The following CHODL variants were observed in gnomAD, a reference collection of about 807,000 sequenced individuals.
CHODL encodes transmembrane protein MT75.
CHODL carries 29 observed loss-of-function variants against 34.5 expected under a neutral mutation model. The observed-to-expected ratio is 0.84, with a 90% CI of 0.63 to 1.15. CHODL has a LOEUF of 1.15. CHODL is among the 50% of genes most tolerant of loss of function. The probability of loss-of-function intolerance (pLI) is 0.00; values close to 1 mark genes in which losing one functional copy is unlikely to be tolerated. For missense variants in CHODL, 332 were observed against 332.5 expected (o/e 1.00, Z 0.01); for synonymous variants, 125 against 116.1 (o/e 1.08, Z -0.49).
At chr21:18,171,950 C>G (rs2073237976) in intron 2 of CHODL, among the ~76,000 whole-genome samples, 1 of 152,142 alleles carries the variant, frequency 6.6e-6, no homozygotes, top group South Asian at 2.1e-4. Context: ...CTTCAATGCT[C>G]CAGCAATTTA....
At chr21:18,127,026 A>G (rs2065554432) in intron 2 of CHODL, among the ~76,000 whole-genome samples, 1 of 152,228 alleles carries the variant, frequency 6.6e-6, no homozygotes. Context: ...TAAACATGTT[A>G]TCCTTCGCGT....
intron 1 of CHODL, among the ~76,000 whole-genome samples, chr21:17,925,781 G>A (rs1016315743): frequency 6.6e-6 from 1 of 152,148 alleles, no homozygotes; most frequent in Non-Finnish European, 1.5e-5. Context: ...CACTTTCTGA[G>A]TTCCTTTGAG....
At position 17,956,402 on chromosome 21, in the gene CHODL, C is replaced by G. The variant is rs557069486; in HGVS notation, c.-145+39002C>G. ...TAGCACTATGCTTCCTGCACAGCCT[C>G]CAGAACTGTGAGCTAATTAAACCTC... On this transcript the variant is annotated intron_variant, in intron 1 of 6. Coordinates refer to the CHODL transcript ENST00000400127. 2.3e-4 allele frequency among the ~76,000 whole-genome samples: 31 copies of G among 136,634 alleles called. 4 individuals are homozygous for G. Among genetic ancestry groups the G allele is most frequent in the Admixed American group, 1.3e-3 (18 of 13,880 alleles). 89.6% of individuals were successfully genotyped at this position (136,634 alleles called of 152,430 possible). A position where few individuals can be genotyped will look rare whatever the true frequency, so the allele number is the denominator to read the frequency against.
chr21:18,029,420 C>T (rs993414194), intron 2 of CHODL, among the ~76,000 whole-genome samples: 1 of 152,000 alleles, frequency 6.6e-6, no homozygotes, highest in Non-Finnish European at 1.5e-5. Flanking sequence ...TTTTTAGAAA[C>T]AGAAGAATGA....
At chr21:17,940,218 C>T (rs907829510) in intron 1 of CHODL, among the ~76,000 whole-genome samples, 1 of 152,140 alleles carries the variant, frequency 6.6e-6, no homozygotes, top group African/African-American at 2.4e-5. Flanking sequence ...CAGCTCATAT[C>T]TATATTCACC....
At chr21:18,028,268 TTCCTTTTCC>T (rs1354305028) in intron 2 of CHODL, among the ~76,000 whole-genome samples, 1,304 of 80,556 alleles carry the variant, frequency 0.016, 36 homozygotes, top group Non-Finnish European at 0.022. Flanking sequence ...CTTTTTCTTT[TTCCTTTTCC>T]CCTTCCTTCC....
rs180707780 is a variant in CHODL, at chr21:17,976,814, A to C, written c.-144-51058A>C. On this transcript the variant is annotated intron_variant, in intron 1 of 6. Transcript: ENST00000400127. ...TCAGGCTGCAAGTAGGTCAGTATCA[A>C]CCTGAAATAACAAGACACCCTCTTC... Among the ~76,000 whole-genome samples, 6 of 152,320 alleles carry C rather than the reference A, an allele frequency of 3.9e-5. No individual in the cohort carries two copies. In the East Asian group the frequency reaches 1.2e-3, roughly 29 times the overall value.
At chr21:18,177,718 T>G (rs2073333419) in intron 2 of CHODL, among the ~76,000 whole-genome samples, 1 of 152,164 alleles carries the variant, frequency 6.6e-6, no homozygotes, top group African/African-American at 2.4e-5. Flanking sequence ...TTTTGTTCAC[T>G]TTAAGATTTA....
Position 18,230,614 on chromosome 21 carries a change from C to T in CHODL, c.-44-25895C>T, listed in dbSNP as rs182846049. Among the ~76,000 whole-genome samples, 9 of 152,014 alleles carry T rather than the reference C, an allele frequency of 5.9e-5. No homozygotes were observed. In the East Asian group the frequency reaches 1.4e-3, roughly 23 times the overall value. ...TATTAGAAACAAAGTGAAGGAAATA[C>T]GAATGCAAAGAAGAACTTAACAGAA... On this transcript the variant is annotated intron_variant, in intron 2 of 6. Transcript: ENST00000400127.
At chr21:18,002,486 A>T (rs1359256755) in intron 1 of CHODL, among the ~76,000 whole-genome samples, 2 of 152,164 alleles carry the variant, frequency 1.3e-5, no homozygotes, top group African/African-American at 4.8e-5. Flanking sequence ...TTTTTGTCAC[A>T]TGCTGGCTTT....
At chr21:18,116,222 C>T (rs1192103327) in intron 2 of CHODL, among the ~76,000 whole-genome samples, 1 of 152,226 alleles carries the variant, frequency 6.6e-6, no homozygotes, top group Non-Finnish European at 1.5e-5. Context: ...AAAGTTTTCT[C>T]CTGAGATCTG....
intron 1 of CHODL, among the ~76,000 whole-genome samples, chr21:17,974,788 T>G (rs979516121): frequency 6.6e-6 from 1 of 151,604 alleles, no homozygotes; most frequent in Non-Finnish European, 1.5e-5. Flanking sequence ...CAAAACATCT[T>G]TAATCACTAA....
At chr21:18,198,424 T>C (rs1215358221) in intron 2 of CHODL, among the ~76,000 whole-genome samples, 2 of 152,184 alleles carry the variant, frequency 1.3e-5, no homozygotes, top group African/African-American at 4.8e-5. Context: ...AAAACAGTGA[T>C]TTTTTAACTA....
chr21:17,977,693 C>A (rs1281868342), intron 1 of CHODL, among the ~76,000 whole-genome samples: 1 of 145,312 alleles, frequency 6.9e-6, no homozygotes, highest in Non-Finnish European at 1.5e-5. Flanking sequence ...CTGAGGCAGG[C>A]GAATCCCGAG....
chr21:18,145,264 CG>C (rs2072861362), intron 2 of CHODL, among the ~76,000 whole-genome samples: 1 of 123,160 alleles, frequency 8.1e-6, no homozygotes, highest in Non-Finnish European at 1.8e-5. Context: ...GTGAAACCCC[CG>C]TCTCTACTAA....
At chr21:18,172,521 A>G (rs927154555) in intron 2 of CHODL, among the ~76,000 whole-genome samples, 9 of 152,068 alleles carry the variant, frequency 5.9e-5, no homozygotes, top group Non-Finnish European at 1.3e-4. Flanking sequence ...CTATGGGATT[A>G]ATTCACATTG....
chr21:18,244,934 C>T lies in CHODL; in HGVS notation c.-290C>T, dbSNP rs2074118496. Reference sequence around the variant, plus strand: ...CGCAACGGTGTGGTCCAAGCCGGGGCTTCTGCTTCGCCTCTAGGACATACA... The same window carrying T: ...CGCAACGGTGTGGTCCAAGCCGGGGTTTCTGCTTCGCCTCTAGGACATACA... On this transcript the variant is annotated 5_prime_UTR_variant, in exon 1 of 6. Transcript: ENST00000299295. 2.6e-6 allele frequency: 1 copy of T among 378,732 alleles called. No individual in the cohort carries two copies. The allele number at this position is 378,732 out of a possible 1,614,324, so 23.5% of individuals were successfully genotyped here.
chr21:18,059,495 T>C (rs1004741596), intron 2 of CHODL, among the ~76,000 whole-genome samples: 3 of 49,246 alleles, frequency 6.1e-5, no homozygotes, highest in Non-Finnish European at 1.2e-4. Context: ...CTCATGATCT[T>C]TTTTTTTTTT....
intron 2 of CHODL, among the ~76,000 whole-genome samples, chr21:18,036,765 G>T (rs1404635486): frequency 1.3e-5 from 2 of 150,810 alleles, no homozygotes; most frequent in South Asian, 2.1e-4. Flanking sequence ...ACTTTTTTTT[G>T]ATTTGGGCAG....
Sources: gnomAD v4.1 joint callset for allele counts (sites outside exome capture counted in the v4.1 genomes callset) on GRCh38, gnomAD v4.1.1 for gene constraint, MANE v1.5 for transcripts, NCBI Gene and HGNC (gene_info 2026-07-23, HGNC 2026-07-21) for gene names.